Variants in ANKRD13C observed in about 807,000 individuals in gnomAD.
The protein encoded by ANKRD13C is ankyrin repeat domain-containing protein 13C.
ANKRD13C carries 16 observed loss-of-function variants against 65.5 expected under a neutral mutation model. That is an observed-to-expected ratio of 0.24 (90% CI 0.17 to 0.37). The LOEUF is 0.37. Among genes scored for constraint, ANKRD13C ranks in the 10% least tolerant of loss-of-function variants. The pLI is 1.00. For missense variants in ANKRD13C, 503 were observed against 655.9 expected (o/e 0.77, Z 2.55); for synonymous variants, 235 against 238.7 (o/e 0.98, Z 0.14).
At chr1:70,301,315 C>T (rs988930408) in intron 6 of ANKRD13C, among the ~76,000 whole-genome samples, 2 of 152,122 alleles carry the variant, frequency 1.3e-5, no homozygotes, top group Non-Finnish European at 1.5e-5. Context: ...ATTTCCCTTA[C>T]TGTAGCTACT....
At chr1:70,295,268 G>A (rs976039980) in intron 8 of ANKRD13C, among the ~76,000 whole-genome samples, 1 of 149,024 alleles carries the variant, frequency 6.7e-6, no homozygotes, top group Non-Finnish European at 1.5e-5. Flanking sequence ...TATTTTTTTT[G>A]AGACGGAGTC....
At chr1:70,319,109 C>T (rs534624285) in intron 3 of ANKRD13C, among the ~76,000 whole-genome samples, 40 of 152,314 alleles carry the variant, frequency 2.6e-4, no homozygotes, top group African/African-American at 8.7e-4. Flanking sequence ...CCTGACTCCG[C>T]TGTATTAATT....
chr1:70,322,672 G>A (rs1450796724), intron 3 of ANKRD13C, among the ~76,000 whole-genome samples: 6 of 152,050 alleles, frequency 3.9e-5, no homozygotes, highest in Non-Finnish European at 8.8e-5. Context: ...TTTATAGTAA[G>A]GACTCAGTAA....
intron 3 of ANKRD13C, among the ~76,000 whole-genome samples, chr1:70,323,914 C>A (rs527459367): frequency 7.9e-5 from 12 of 151,598 alleles, no homozygotes; most frequent in African/African-American, 2.7e-4. Flanking sequence ...TTAGTAGAGA[C>A]GGGGTTTCAC....
chr1:70,349,806 A>G (rs1356593017), intron 1 of ANKRD13C, among the ~76,000 whole-genome samples: 1 of 152,192 alleles, frequency 6.6e-6, no homozygotes, highest in Non-Finnish European at 1.5e-5. Context: ...ATGGAAAGAC[A>G]GCAGATCACT....
At chr1:70,309,321 G>A (rs899013246) in intron 5 of ANKRD13C, among the ~76,000 whole-genome samples, 19 of 151,482 alleles carry the variant, frequency 1.3e-4, no homozygotes. Context: ...TGATCCACCC[G>A]CCTTGGCCTC....
At chr1:70,347,091 C>CA (rs35972712) in intron 1 of ANKRD13C, among the ~76,000 whole-genome samples, 1,756 of 36,306 alleles carry the variant, frequency 0.048, 255 homozygotes, top group African/African-American at 0.066. Flanking sequence ...GGCTCCGTCT[C>CA]AAAAAAAAAA....
chr1:70,313,681 G>A, intron 5 of ANKRD13C, 64 bp downstream of exon 5: 1 of 1,186,518 alleles, frequency 8.4e-7, no homozygotes, highest in Non-Finnish European at 1.2e-6. Context: ...TATATGATAG[G>A]TATTTTTGTA....
At chr1:70,332,792 T>C (rs960250734) in intron 2 of ANKRD13C, among the ~76,000 whole-genome samples, 5 of 152,106 alleles carry the variant, frequency 3.3e-5, no homozygotes, top group African/African-American at 1.2e-4. Context: ...CAGGCTGATA[T>C]AAACCGATGA....
intron 3 of ANKRD13C, among the ~76,000 whole-genome samples, chr1:70,319,350 A>C (rs2101501224): frequency 6.6e-6 from 1 of 152,264 alleles, no homozygotes; most frequent in African/African-American, 2.4e-5. Context: ...TCACACCTGT[A>C]ATCTCAGCAC....
Position 70,276,782 on chromosome 1 carries a change from T to C in ANKRD13C, c.1278A>G (p.Ile426Met), listed in dbSNP as rs1679154337. ...AAACTTACTTTCCATTTTCAGCAGA[T>C]ATATATTCTTCCCATGTAATAGTGT... ...PQNTITWEEYISAENGKAPHL... is the reference protein window; with the variant it reads ...PQNTITWEEYMSAENGKAPHL... The change falls in exon 10 of 13, where the codon ATA becomes ATG. Residue 426 changes from isoleucine to methionine, a missense_variant. Around this residue, in one of 2 missense-constraint regions of ANKRD13C, gnomAD observed 300 missense variants for 478.3 expected, o/e 0.63. Coordinates refer to ENST00000370944, the MANE Select transcript of ANKRD13C (RefSeq NM_030816.5). The C allele has an allele frequency of 1.2e-6, 2 of 1,600,788 alleles. No individual in the cohort carries two copies. Among genetic ancestry groups the C allele is most frequent in the Admixed American group, 3.5e-5 (2 of 56,888 alleles).
chr1:70,327,767 A>G (rs1432563873), intron 2 of ANKRD13C, among the ~76,000 whole-genome samples: 1 of 152,152 alleles, frequency 6.6e-6, no homozygotes. Flanking sequence ...GTATAACAAC[A>G]ATATATATAA....
chr1:70,270,731 T>C, intron 12 of ANKRD13C, 125 bp downstream of exon 12: 1 of 637,758 alleles, frequency 1.6e-6, no homozygotes, highest in Non-Finnish European at 2.8e-6. Flanking sequence ...ACCCCACTCC[T>C]AAAAGGTCAC....
intron 8 of ANKRD13C, among the ~76,000 whole-genome samples, chr1:70,295,342 G>A (rs1409422240): frequency 6.6e-6 from 1 of 151,868 alleles, no homozygotes; most frequent in Non-Finnish European, 1.5e-5. Flanking sequence ...CCACCTCCCG[G>A]GTTCAAGCGA....
intron 1 of ANKRD13C, among the ~76,000 whole-genome samples, chr1:70,340,487 C>T (rs1682260131): frequency 6.6e-6 from 1 of 151,810 alleles, no homozygotes; most frequent in Non-Finnish European, 1.5e-5. Flanking sequence ...TGTCTATATC[C>T]TTGCAAAAAA....
chr1:70,292,596 A>C (rs1679907913), intron 8 of ANKRD13C, 47 bp from the exon 9 acceptor site: 1 of 1,413,430 alleles, frequency 7.1e-7, no homozygotes, highest in African/African-American at 1.5e-5. Context: ...AGGTTAAAAA[A>C]AGTGTCAAGG....
chr1:70,333,174 C>G (rs1330693650), intron 2 of ANKRD13C, among the ~76,000 whole-genome samples: 1 of 152,030 alleles, frequency 6.6e-6, no homozygotes, highest in African/African-American at 2.4e-5. Context: ...TGTTTTTCTT[C>G]CATAAAATGG....
At chr1:70,330,577 A>AC (rs1268444895) in intron 2 of ANKRD13C, among the ~76,000 whole-genome samples, 1 of 143,960 alleles carries the variant, frequency 6.9e-6, no homozygotes, top group Non-Finnish European at 1.5e-5. Context: ...AACAAACCAA[A>AC]AAAAAAAAAA....
intron 1 of ANKRD13C, among the ~76,000 whole-genome samples, chr1:70,346,164 T>C (rs1430454282): frequency 2.0e-5 from 3 of 151,880 alleles, no homozygotes; most frequent in East Asian, 1.9e-4. Context: ...TTTCCCTTAT[T>C]TACCCAGTCA....
Sources: gnomAD v4.1 joint callset for allele counts (sites outside exome capture counted in the v4.1 genomes callset) on GRCh38, gnomAD v4.1.1 for gene constraint, gnomAD v4.1.1 regional missense constraint, MANE v1.5 for transcripts, NCBI Gene and HGNC (gene_info 2026-07-23, HGNC 2026-07-21) for gene names.